PRSS58: variants seen among roughly 807,000 people sequenced by gnomAD.
The protein encoded by PRSS58 is protease, serine 58.
A neutral mutation model predicts 25.0 loss-of-function variants in PRSS58; 31 were observed. That is an observed-to-expected ratio of 1.24 (90% CI 0.93 to 1.67). The LOEUF (loss-of-function observed/expected upper bound fraction) is 1.67, where lower values mean the gene tolerates loss of function less well. Among genes scored for constraint, PRSS58 ranks in the 40% most tolerant of loss-of-function variants. PRSS58 has a pLI of 0.00. For missense variants in PRSS58, 324 were observed against 287.9 expected (o/e 1.13, Z -0.91); for synonymous variants, 119 against 106.1 (o/e 1.12, Z -0.75).
At chr7:142,255,909 A>C (rs1434975011) in intron 2 of PRSS58, among the ~76,000 whole-genome samples, 1 of 152,232 alleles carries the variant, frequency 6.6e-6, no homozygotes, top group Non-Finnish European at 1.5e-5. Flanking sequence ...TTTCAAATTA[A>C]ATGTTCAACT....
chr7:142,255,793 G>T, intron 2 of PRSS58, 120 bp from the exon 3 acceptor site: 1 of 741,134 alleles, frequency 1.3e-6, no homozygotes, highest in Non-Finnish European at 2.1e-6. Context: ...AACTTTATCT[G>T]TAAAATGACT....
At chr7:142,253,532 G>T (rs1241922411) in intron 4 of PRSS58, among the ~76,000 whole-genome samples, 1 of 152,076 alleles carries the variant, frequency 6.6e-6, no homozygotes, top group African/African-American at 2.4e-5. Context: ...GAACACATGT[G>T]GCACGTGTTC....
chr7:142,255,443 T>C, intron 3 of PRSS58, 92 bp downstream of exon 3: 1 of 1,590,738 alleles, frequency 6.3e-7, no homozygotes. Flanking sequence ...TCTAATCCCA[T>C]TTAATTGGGA....
At chr7:142,252,635 CT>C in intron 4 of PRSS58, 24 bp from the exon 5 acceptor site, 1 of 1,594,794 alleles carries the variant, frequency 6.3e-7, no homozygotes, top group African/African-American at 1.4e-5. Context: ...AGAAGTCAAA[CT>C]TCCTTAAGAG....
Position 142,252,357 on chromosome 7 carries a change from G to T in PRSS58, c.590C>A (p.Ala197Asp). ...AAGCATCCCATTGCAGATTGCCGGG[G>T]CAGCAGAAACTTCCTGCCAGGAAAA... Reference protein sequence around the residue: ...RRQPCKEVSAAPAICNGMLQG... With the variant: ...RRQPCKEVSADPAICNGMLQG... Residue 197 changes from alanine (A) to aspartate (D), a missense_variant, in exon 6 of 6, where the codon GCC becomes GAC. Physicochemically the swap from Ala to Asp is moderately radical, Grantham distance 126. Coordinates refer to ENST00000547058, the MANE Select transcript of PRSS58 (RefSeq NM_001001317.5). 3 of 1,613,508 alleles carry T rather than the reference G, an allele frequency of 1.9e-6. No homozygotes were observed. Among genetic ancestry groups the T allele is most frequent in the Non-Finnish European group, 2.5e-6 (3 of 1,179,808 alleles).
intron 2 of PRSS58, among the ~76,000 whole-genome samples, chr7:142,257,328 T>C (rs1798574329): frequency 6.6e-6 from 1 of 152,186 alleles, no homozygotes; most frequent in Non-Finnish European, 1.5e-5. Context: ...TAACTGGAAC[T>C]GTGCCAGGAG....
chr7:142,256,001 C>T (rs1327242496), intron 2 of PRSS58, among the ~76,000 whole-genome samples: 2 of 152,076 alleles, frequency 1.3e-5, no homozygotes, highest in African/African-American at 2.4e-5. Context: ...TTTTAGAATG[C>T]TTCAATAAGT....
chr7:142,257,758 G>A lies in PRSS58; in HGVS notation c.-41-10C>T, dbSNP rs367951245. 1.4e-6 allele frequency: 2 copies of A among 1,463,586 alleles called. No homozygotes were observed. The highest frequency in any genetic ancestry group is 2.8e-5 in the African/African-American group (2 of 71,922). The allele number at this position is 1,463,586 out of a possible 1,614,324, so 90.7% of individuals were successfully genotyped here. A position where few individuals can be genotyped will look rare whatever the true frequency, so the allele number is the denominator to read the frequency against. On this transcript the variant is annotated splice_polypyrimidine_tract_variant and intron_variant, in intron 1 of 5. Coordinates refer to ENST00000547058, the MANE Select transcript of PRSS58 (RefSeq NM_001001317.5). ...TCCAGTCTCTGGAAAACTGGGAAGA[G>A]AGAGAGAAAACAACTAAATAAAACA...
intron 4 of PRSS58, among the ~76,000 whole-genome samples, chr7:142,253,394 T>C: frequency 6.6e-6 from 1 of 152,220 alleles, no homozygotes; most frequent in Admixed American, 6.5e-5. Context: ...GATTTAAAAC[T>C]GGATTTCCTG....
In PRSS58 at chr7:142,255,631, G is replaced by A. The variant is rs754961504; in HGVS notation, c.83C>T (p.Pro28Leu). The A allele has an allele frequency of 3.1e-6, 5 of 1,613,916 alleles. No individual in the cohort carries two copies. The highest frequency in any genetic ancestry group is 3.3e-4 in the Middle Eastern group (2 of 6,058). ...AGATTTCAAATAGACCAAGTAAGGGGGAGTGGAGCTGACTGTGTAATCTGG... is the reference window on the plus strand; with the variant it reads ...AGATTTCAAATAGACCAAGTAAGGGAGAGTGGAGCTGACTGTGTAATCTGG... ...FNPDYTVSST[P>L]PYLVYLKSDY... is the part of the protein sequence containing the mutation. Residue 28 changes from proline (P) to leucine (L), a missense_variant, in exon 3 of 6, where the codon CCC (proline) becomes CTC (leucine). Physicochemically the swap from Pro to Leu is moderately conservative, Grantham distance 98. Coordinates refer to ENST00000547058, the MANE Select transcript of PRSS58 (RefSeq NM_001001317.5).
At chr7:142,257,900 C>T (rs963160033) in intron 1 of PRSS58, 91 bp downstream of exon 1, 3 of 589,878 alleles carry the variant, frequency 5.1e-6, no homozygotes, top group African/African-American at 3.7e-5. Context: ...GTCAGAGAGA[C>T]AAGAATAGAG....
chr7:142,257,234 C>T (rs1894318), intron 2 of PRSS58, among the ~76,000 whole-genome samples: 33,804 of 152,040 alleles, frequency 0.22, 4,621 homozygotes, highest in East Asian at 0.51. Context: ...ATTTAGAAGA[C>T]AAAGCCAACA....
intron 3 of PRSS58, 82 bp downstream of exon 3, chr7:142,255,453 A>C (rs1208465525): frequency 6.3e-7 from 1 of 1,599,208 alleles, no homozygotes; most frequent in East Asian, 2.2e-5. Context: ...TTTAATTGGG[A>C]GATGGTCTCA....
chr7:142,252,585 C>T lies in PRSS58; in HGVS notation c.463G>A (p.Val155Met). 1 of 1,613,520 alleles carries T rather than the reference C, an allele frequency of 6.2e-7. No homozygotes were observed. Among genetic ancestry groups the T allele is most frequent in the Non-Finnish European group, 8.5e-7 (1 of 1,179,900 alleles). Residue 155 changes from valine to methionine, a missense_variant, in exon 5 of 6, where the codon GTG (valine) becomes ATG (methionine). Transcript: ENST00000547058. ...GGCTTGGAGATTACAGAGATGTTCACAGTTTGCAGTGAATCGGGCTCTTTG... is the reference window on the plus strand; with the variant it reads ...GGCTTGGAGATTACAGAGATGTTCATAGTTTGCAGTGAATCGGGCTCTTTG... ...IYKEPDSLQT[V>M]NISVISKPQC...
chr7:142,255,472 TGA>T (rs1798539721), intron 3 of PRSS58, 61 bp downstream of exon 3: 3 of 1,605,982 alleles, frequency 1.9e-6, no homozygotes. Context: ...CAGACAGGGG[TGA>T]GAGTCTGTGC....
rs1306688122 is a variant in PRSS58 at position 142,252,643 on chromosome 7, A to T, written c.437-32T>A. 5 of 1,588,808 alleles carry T rather than the reference A, an allele frequency of 3.1e-6. No individual in the cohort carries two copies. The East Asian group carries it at 1.1e-4, about 35-fold the overall frequency. On this transcript the variant is annotated intron_variant, in intron 4 of 5. Coordinates refer to ENST00000547058, the MANE Select transcript of PRSS58 (RefSeq NM_001001317.5). The stretch of plus-strand genomic sequence containing the variant: ...AAAAGATAGAAGTCAAACTTCCTTA[A>T]GAGTTTTGTTAGGTATTAAAACTTC...
rs778618706 is a variant in PRSS58, at chr7:142,255,559, A to G, written c.155T>C (p.Ile52Thr). The G allele has an allele frequency of 1.2e-6, 2 of 1,614,106 alleles. No homozygotes were observed. Among genetic ancestry groups the G allele is most frequent in the South Asian group, 1.1e-5 (1 of 91,088 alleles). ...AGVLIHPLWVITAAHCNLPKL... is the reference protein window; with the variant it reads ...AGVLIHPLWVTTAAHCNLPKL... ...CGGTAAATTGCAGTGTGCAGCTGTG[A>G]TCACCCAAAGCGGGTGGATCAGGAC... Residue 52 changes from isoleucine (I) to threonine (T), a missense_variant, in exon 3 of 6, where the codon ATC (isoleucine) becomes ACC (threonine). Ile to Thr is a moderately conservative substitution (Grantham distance 89, BLOSUM62 -1). Transcript: ENST00000547058.
intron 2 of PRSS58, among the ~76,000 whole-genome samples, chr7:142,257,384 C>G (rs889216119): frequency 1.3e-5 from 2 of 152,216 alleles, no homozygotes; most frequent in South Asian, 2.1e-4. Context: ...TGGTGCAGAA[C>G]ATCAATCCTG....
intron 2 of PRSS58, among the ~76,000 whole-genome samples, chr7:142,257,297 A>T (rs1476447979): frequency 6.6e-6 from 1 of 152,158 alleles, no homozygotes; most frequent in Non-Finnish European, 1.5e-5. Context: ...ATTTATGAAT[A>T]AGCCTGGGTT....
Sources: allele counts gnomAD v4.1 joint callset (sites outside exome capture counted in the v4.1 genomes callset), GRCh38; gene constraint gnomAD v4.1.1; transcripts MANE v1.5; gene names NCBI Gene and HGNC (gene_info 2026-07-23, HGNC 2026-07-21).